ACSS3: variants seen among roughly 807,000 people sequenced by gnomAD.
ACSS3 encodes acyl-CoA synthetase short chain family member 3, also known as acyl-CoA synthetase short-chain family member 3, mitochondrial.
Under a neutral mutation model 84.2 loss-of-function variants are expected in ACSS3, and 64 were observed. The ratio of observed to expected loss-of-function variants is 0.76; its 90% CI spans 0.62 to 0.94. The LOEUF (loss-of-function observed/expected upper bound fraction) is 0.94. ACSS3 is among the 40% of genes least tolerant of loss of function. The probability of loss-of-function intolerance (pLI) is 0.00; values close to 1 mark genes in which losing one functional copy is unlikely to be tolerated. For synonymous variants in ACSS3, 317 were observed against 310.1 expected (o/e 1.02, Z -0.23); for missense variants, 815 against 867.6 (o/e 0.94, Z 0.76).
intron 2 of ACSS3, among the ~76,000 whole-genome samples, chr12:81,130,571 G>A (rs945624281): frequency 3.3e-5 from 5 of 152,150 alleles, no homozygotes; most frequent in African/African-American, 1.2e-4. Context: ...CTCACATTCT[G>A]TAGGTTGCAT....
chr12:81,111,454 C>T (rs181010857), intron 2 of ACSS3, among the ~76,000 whole-genome samples: 7 of 152,266 alleles, frequency 4.6e-5, no homozygotes, highest in South Asian at 4.1e-4. Flanking sequence ...GAGAACTGCA[C>T]GACTTGCAAA....
In ACSS3 at chr12:81,254,895, C is replaced by A. The variant is rs80307006; in HGVS notation, c.2034C>A (p.His678Gln). ...STIEDPSIFG[H>Q]VEEMLKQA is the part of the protein sequence containing the mutation. Reference sequence around the variant, plus strand: ...TTGAAGACCCCAGCATTTTTGGCCACGTAGAAGAAATGCTGAAGCAAGCAT... The same window carrying A: ...TTGAAGACCCCAGCATTTTTGGCCAAGTAGAAGAAATGCTGAAGCAAGCAT... The change falls in exon 16 of 16, where the codon CAC (histidine) becomes CAA (glutamine). Residue 678 changes from histidine to glutamine, a missense_variant. Coordinates refer to ENST00000548058, the MANE Select transcript of ACSS3 (RefSeq NM_024560.4). The A allele has an allele frequency of 1.0e-4, 164 of 1,607,316 alleles. No individual in the cohort carries two copies. In the East Asian group the frequency reaches 3.4e-3, roughly 33 times the overall value.
At chr12:81,105,428 A>T (rs1211739634) in intron 1 of ACSS3, among the ~76,000 whole-genome samples, 1 of 152,240 alleles carries the variant, frequency 6.6e-6, no homozygotes, top group Non-Finnish European at 1.5e-5. Context: ...AGAGAAAAAA[A>T]AGTAAAATCA....
At chr12:81,129,785 C>T (rs906782759) in intron 2 of ACSS3, among the ~76,000 whole-genome samples, 3 of 127,510 alleles carry the variant, frequency 2.4e-5, no homozygotes, top group African/African-American at 8.6e-5. Flanking sequence ...CTCCCCCCAC[C>T]CCATGATAGG....
intron 7 of ACSS3, among the ~76,000 whole-genome samples, chr12:81,162,282 A>G (rs1385364927): frequency 6.6e-6 from 1 of 152,198 alleles, no homozygotes; most frequent in Non-Finnish European, 1.5e-5. Flanking sequence ...TGGAGAGGGT[A>G]GCTCCTATCT....
intron 7 of ACSS3, among the ~76,000 whole-genome samples, chr12:81,153,135 T>C (rs1321661809): frequency 6.6e-6 from 1 of 152,174 alleles, no homozygotes; most frequent in Non-Finnish European, 1.5e-5. Flanking sequence ...GGGCTGGGCA[T>C]GTTGGCTTAT....
chr12:81,183,524 G>A, intron 8 of ACSS3, among the ~76,000 whole-genome samples: 1 of 152,048 alleles, frequency 6.6e-6, no homozygotes, highest in Non-Finnish European at 1.5e-5. Flanking sequence ...TGTAGTTGCT[G>A]AATGGATTAA....
At chr12:81,134,550 A>G (rs1463284962) in intron 2 of ACSS3, among the ~76,000 whole-genome samples, 2 of 152,120 alleles carry the variant, frequency 1.3e-5, no homozygotes, top group Non-Finnish European at 2.9e-5. Context: ...CTCAGTAAAA[A>G]TGTTGTGACA....
At chr12:81,146,399 A>G (rs1017773299) in intron 5 of ACSS3, among the ~76,000 whole-genome samples, 15 of 152,172 alleles carry the variant, frequency 9.9e-5, no homozygotes, top group African/African-American at 3.6e-4. Context: ...GAGCATTTAG[A>G]TATAAATATG....
At chr12:81,182,253 G>C (rs532823781) in intron 8 of ACSS3, among the ~76,000 whole-genome samples, 100 of 152,218 alleles carry the variant, frequency 6.6e-4, no homozygotes, top group Admixed American at 2.2e-3. Flanking sequence ...GTGCTGAAAG[G>C]AATAAGAATA....
At chr12:81,166,566 A>G (rs1179343756) in intron 7 of ACSS3, among the ~76,000 whole-genome samples, 1 of 152,208 alleles carries the variant, frequency 6.6e-6, no homozygotes, top group Non-Finnish European at 1.5e-5. Flanking sequence ...AAAGTGTACT[A>G]AAGAAGGGTG....
intron 9 of ACSS3, among the ~76,000 whole-genome samples, chr12:81,202,746 A>T (rs762277494): frequency 6.6e-6 from 1 of 152,190 alleles, no homozygotes; most frequent in Non-Finnish European, 1.5e-5. Context: ...GCTGCTTAGA[A>T]ACTGTGATGT....
intron 1 of ACSS3, among the ~76,000 whole-genome samples, chr12:81,096,542 A>G (rs1464608176): frequency 6.6e-6 from 1 of 152,202 alleles, no homozygotes; most frequent in East Asian, 1.9e-4. Context: ...TTACATAGGT[A>G]TACATGTGCC....
intron 13 of ACSS3, among the ~76,000 whole-genome samples, chr12:81,247,234 A>G (rs1055127213): frequency 2.0e-5 from 3 of 152,166 alleles, no homozygotes; most frequent in Non-Finnish European, 4.4e-5. Context: ...CTAAGAGATT[A>G]CTTCCAATAT....
chr12:81,131,887 T>A, intron 2 of ACSS3, among the ~76,000 whole-genome samples: 1 of 152,278 alleles, frequency 6.6e-6, no homozygotes, highest in African/African-American at 2.4e-5. Flanking sequence ...GAGATAATCA[T>A]GTGGTTTTTG....
rs368803853 is a variant in ACSS3 at position 81,078,307 on chromosome 12, A to G, written c.187A>G (p.Lys63Glu). The change falls in exon 1 of 16, where the codon AAG (lysine) becomes GAG (glutamate). Residue 63 changes from lysine to glutamate, a missense_variant. Transcript: ENST00000548058. The part of the protein sequence containing the change: ...ALSSGSGSEY[K>E]THFAASVTDP... Reference sequence around the variant, plus strand: ...GTCCTCCGGCAGTGGCAGCGAGTACAAGACCCACTTCGCAGCCTCGGTGAC... The same window carrying G: ...GTCCTCCGGCAGTGGCAGCGAGTACGAGACCCACTTCGCAGCCTCGGTGAC... 7 of 1,612,122 alleles carry G rather than the reference A, an allele frequency of 4.3e-6. No individual in the cohort carries two copies. The highest frequency in any genetic ancestry group is 1.7e-5 in the Admixed American group (1 of 60,006).
intron 1 of ACSS3, among the ~76,000 whole-genome samples, chr12:81,097,638 C>T (rs78346058): frequency 6.6e-6 from 1 of 152,316 alleles, no homozygotes; most frequent in East Asian, 1.9e-4. Flanking sequence ...GCTATGCCCT[C>T]CTAACTCACT....
intron 2 of ACSS3, among the ~76,000 whole-genome samples, chr12:81,129,473 A>G (rs1422953716): frequency 6.6e-6 from 1 of 152,172 alleles, no homozygotes; most frequent in East Asian, 1.9e-4. Context: ...CAATTTTTCT[A>G]GAGAAACTGG....
intron 13 of ACSS3, among the ~76,000 whole-genome samples, chr12:81,242,473 A>G (rs2033839557): frequency 6.6e-6 from 1 of 150,490 alleles, no homozygotes; most frequent in Non-Finnish European, 1.5e-5. Context: ...ATTCCAATCA[A>G]TAGAAAAAGA....
Sources: allele counts gnomAD v4.1 joint callset (sites outside exome capture counted in the v4.1 genomes callset), GRCh38; gene constraint gnomAD v4.1.1; transcripts MANE v1.5; gene names NCBI Gene and HGNC (gene_info 2026-07-23, HGNC 2026-07-21).